The following CDC14B variants were observed in gnomAD, a reference collection of about 807,000 sequenced individuals.
CDC14B encodes cell division cycle 14B.
In CDC14B, 22 loss-of-function variants were observed where a neutral mutation model predicts 64.2. That is an observed-to-expected ratio of 0.34 (90% CI 0.24 to 0.49). CDC14B has a LOEUF of 0.49. Among genes scored for constraint, CDC14B ranks in the 20% least tolerant of loss-of-function variants. The pLI is 0.99. For missense variants in CDC14B, 498 were observed against 629.9 expected, an observed-to-expected ratio of 0.79 and a Z score of 2.24; for synonymous variants, 191 against 215.8, an observed-to-expected ratio of 0.89 and a Z score of 1.01.
rs1233704266 is a variant in CDC14B at position 96,509,808 on chromosome 9, A to G, written c.1344-19T>C. 2.1e-6 allele frequency: 3 copies of G among 1,462,972 alleles called. No individual in the cohort carries two copies. In the African/African-American group the frequency reaches 4.2e-5, roughly 20 times the overall value. The allele number at this position is 1,462,972 out of a possible 1,614,324, so 90.6% of individuals were successfully genotyped here. On this transcript the variant is annotated intron_variant, in intron 12 of 13. Transcript: ENST00000375241. The stretch of plus-strand genomic sequence containing the variant: ...AATTACTCTGAAAATAGTTGGAAAA[A>G]AATAAGATTATATTCACTGAAACCA...
chr9:96,586,233 G>C (rs533948184), intron 1 of CDC14B, among the ~76,000 whole-genome samples: 7 of 152,256 alleles, frequency 4.6e-5, no homozygotes, highest in Admixed American at 2.6e-4. Flanking sequence ...CCATGAAAAG[G>C]CTACAGAATT....
At chr9:96,537,850 G>A (rs759547929) in intron 7 of CDC14B, among the ~76,000 whole-genome samples, 11 of 152,022 alleles carry the variant, frequency 7.2e-5, no homozygotes, top group Admixed American at 2.6e-4. Context: ...AGCCTCCTGA[G>A]TAGCTGGGAC....
intron 1 of CDC14B, among the ~76,000 whole-genome samples, chr9:96,605,406 A>G (rs1846824233): frequency 6.6e-6 from 1 of 152,158 alleles, no homozygotes; most frequent in Non-Finnish European, 1.5e-5. Context: ...CTGGCATATA[A>G]ATATCCCACG....
intron 2 of CDC14B, among the ~76,000 whole-genome samples, 170 bp downstream of exon 2, chr9:96,565,223 G>GT (rs374778529): frequency 0.024 from 3,378 of 141,322 alleles, 91 homozygotes; most frequent in African/African-American, 0.073. Flanking sequence ...ATTTAGGGAG[G>GT]TTTTTTTTTT....
intron 1 of CDC14B, chr9:96,618,562 T>C (rs1399574100): frequency 1.9e-6 from 1 of 533,358 alleles, no homozygotes; most frequent in East Asian, 5.4e-5. Context: ...CTGGCTCGAA[T>C]GCCACCAACG....
chr9:96,491,332 CCTGA>C (rs1336268089), exon 14 of CDC14B: 3 of 152,230 alleles, frequency 2.0e-5, no homozygotes, highest in African/African-American at 7.2e-5. Flanking sequence ...GGTATTCGCT[CCTGA>C]CTTTGTGTAG....
In CDC14B at chr9:96,501,068, T is replaced by C. The variant is rs1208563281; in HGVS notation, c.*2685A>G. The C allele has an allele frequency of 6.6e-6, 1 of 152,328 alleles. No homozygotes were observed. Among genetic ancestry groups the C allele is most frequent in the Non-Finnish European group, 1.5e-5 (1 of 68,134 alleles). The allele number at this position is 152,328 out of a possible 1,614,324, so 9.4% of individuals were successfully genotyped here. A position where few individuals can be genotyped will look rare whatever the true frequency, so the allele number is the denominator to read the frequency against. The stretch of plus-strand genomic sequence containing the variant: ...AGGGGAATTCTGGAGGCCGCAGAGC[T>C]GCGTGCTGCCGGGAAGCACTGGCCA... On this transcript the variant is annotated 3_prime_UTR_variant, in exon 14 of 14. Transcript: ENST00000375241.
chr9:96,563,313 T>G (rs528042966), intron 3 of CDC14B, among the ~76,000 whole-genome samples: 30 of 152,176 alleles, frequency 2.0e-4, no homozygotes, highest in Non-Finnish European at 3.2e-4. Flanking sequence ...AGTGAAAGTT[T>G]ATTGAGCTCT....
At chr9:96,566,353 A>G (rs547435428) in intron 1 of CDC14B, among the ~76,000 whole-genome samples, 1 of 139,284 alleles carries the variant, frequency 7.2e-6, no homozygotes, top group East Asian at 2.0e-4. Context: ...CCCAAATGGT[A>G]AACTATTTTT....
intron 4 of CDC14B, among the ~76,000 whole-genome samples, chr9:96,560,156 T>C (rs1842960613): frequency 6.6e-6 from 1 of 152,178 alleles, no homozygotes. Flanking sequence ...GTAGTCCTCG[T>C]GCCTGGCTCC....
At chr9:96,582,007 C>T (rs746936745) in intron 1 of CDC14B, among the ~76,000 whole-genome samples, 5 of 152,142 alleles carry the variant, frequency 3.3e-5, no homozygotes, top group Non-Finnish European at 5.9e-5. Flanking sequence ...ACTCCCAGTG[C>T]GCTTCATGGT....
intron 12 of CDC14B, among the ~76,000 whole-genome samples, chr9:96,513,956 C>A (rs771326709): frequency 6.6e-6 from 1 of 152,204 alleles, no homozygotes; most frequent in Non-Finnish European, 1.5e-5. Context: ...TGGTGGAGCT[C>A]AGGAGTCACC....
chr9:96,577,050 C>T (rs1399798484), intron 1 of CDC14B, among the ~76,000 whole-genome samples: 2 of 151,866 alleles, frequency 1.3e-5, no homozygotes, highest in African/African-American at 4.8e-5. Flanking sequence ...GTCAGGAGTT[C>T]GAGACCAGCC....
intron 6 of CDC14B, among the ~76,000 whole-genome samples, chr9:96,539,931 T>G (rs1839805600): frequency 1.3e-5 from 2 of 152,218 alleles, no homozygotes; most frequent in Non-Finnish European, 1.5e-5. Context: ...CAAGGTATTC[T>G]TGGTTCAAAG....
At chr9:96,600,509 G>T (rs1026490159) in intron 1 of CDC14B, among the ~76,000 whole-genome samples, 7 of 145,530 alleles carry the variant, frequency 4.8e-5, no homozygotes, top group East Asian at 2.0e-4. Context: ...AGAGCTTGTG[G>T]TTTTTTTTTT....
intron 1 of CDC14B, among the ~76,000 whole-genome samples, chr9:96,596,240 T>C (rs1846064023): frequency 6.6e-6 from 1 of 151,710 alleles, no homozygotes; most frequent in Non-Finnish European, 1.5e-5. Flanking sequence ...CACGGACCTG[T>C]AGTTCCAGCT....
intron 4 of CDC14B, among the ~76,000 whole-genome samples, chr9:96,553,329 C>T (rs1842068370): frequency 6.6e-6 from 1 of 151,628 alleles, no homozygotes; most frequent in African/African-American, 2.4e-5. Context: ...TTCCCAATGA[C>T]TGGCCTGTTT....
Position 96,503,794 on chromosome 9 carries a change from AGG to A in CDC14B, c.1461-7_1461-6del. The A allele has an allele frequency of 6.2e-7, 1 of 1,612,380 alleles. No individual in the cohort carries two copies. Among genetic ancestry groups the A allele is most frequent in the East Asian group, 2.2e-5 (1 of 44,878 alleles). Reference sequence around the variant, plus strand: ...TTAGTCCTTGAAATGGAGAGACTACAGGGGGAAAAAAAAGGATTTTTACCAGA... The same window carrying A: ...TTAGTCCTTGAAATGGAGAGACTACAGGGAAAAAAAAGGATTTTTACCAGA... On this transcript the variant is annotated splice_region_variant and splice_polypyrimidine_tract_variant and intron_variant, in intron 13 of 13. Coordinates refer to ENST00000375241, the MANE Select transcript of CDC14B (RefSeq NM_033331.4).
chr9:96,516,904 T>A (rs897733548), intron 12 of CDC14B, among the ~76,000 whole-genome samples: 2 of 151,946 alleles, frequency 1.3e-5, no homozygotes, highest in African/African-American at 2.4e-5. Flanking sequence ...CAATTCTGCC[T>A]CAGCCTCCCA....
Sources: gnomAD v4.1 joint callset for allele counts (sites outside exome capture counted in the v4.1 genomes callset) on GRCh38, gnomAD v4.1.1 for gene constraint, MANE v1.5 for transcripts, NCBI Gene and HGNC (gene_info 2026-07-23, HGNC 2026-07-21) for gene names.